The following KRT6A variants were observed in gnomAD, a reference collection of about 807,000 sequenced individuals.
The protein encoded by KRT6A is keratin, type II cytoskeletal 6A.
In KRT6A, 28 loss-of-function variants were observed where a neutral mutation model predicts 48.6. The ratio of observed to expected loss-of-function variants is 0.58; its 90% CI spans 0.43 to 0.79. KRT6A has a LOEUF of 0.79. Among genes scored for constraint, KRT6A ranks in the 30% least tolerant of loss-of-function variants. KRT6A has a pLI of 0.00. For synonymous variants in KRT6A, 301 were observed against 294.2 expected, an observed-to-expected ratio of 1.02 and a Z score of -0.24; for missense variants, 687 against 724.3, an observed-to-expected ratio of 0.95 and a Z score of 0.59.
chr12:52,490,449 T>A (rs1938239228), intron 5 of KRT6A, 120 bp downstream of exon 5: 1 of 1,484,904 alleles, frequency 6.7e-7, no homozygotes, highest in Non-Finnish European at 9.4e-7. Flanking sequence ...TAGTGCAGAG[T>A]GCATGTCCTG....
intron 1 of KRT6A, 75 bp from the exon 2 acceptor site, chr12:52,491,811 A>C: frequency 6.4e-7 from 1 of 1,572,888 alleles, no homozygotes; most frequent in Non-Finnish European, 8.7e-7. Context: ...GTTTCCTGGC[A>C]GGTCCGGGAG....
chr12:52,491,884 C>G, intron 1 of KRT6A, 148 bp from the exon 2 acceptor site: 2 of 1,045,040 alleles, frequency 1.9e-6, no homozygotes, highest in Non-Finnish European at 1.4e-6. Flanking sequence ...TCTGCTCCCC[C>G]AACCCCTTCT....
At chr12:52,491,014 C>T (rs1938252334) in intron 3 of KRT6A, 61 bp from the exon 4 acceptor site, 2 of 1,613,950 alleles carry the variant, frequency 1.2e-6, no homozygotes, top group African/African-American at 1.3e-5. Context: ...TACCCATCTT[C>T]TAGTCTCCAT....
intron 1 of KRT6A, among the ~76,000 whole-genome samples, chr12:52,492,284 T>G (rs1205317107): frequency 2.6e-5 from 4 of 152,232 alleles, no homozygotes; most frequent in Admixed American, 2.6e-4. Flanking sequence ...TTCTTTTGTT[T>G]CCAATATTTT....
rs201896183 is a variant in KRT6A, at chr12:52,492,717, G to A, written c.472C>T (p.Arg158Trp). 1.8e-5 allele frequency: 29 copies of A among 1,613,890 alleles called. No individual in the cohort carries two copies. The highest frequency in any genetic ancestry group is 2.0e-5 in the Non-Finnish European group (24 of 1,179,966). The change falls in exon 1 of 9, where the codon CGG becomes TGG. Residue 158 changes from arginine to tryptophan, a missense_variant. Transcript: ENST00000330722. The part of the protein sequence containing the change: ...LNLQIDPTIQ[R>W]VRAEEREQIK... ...TGTTCACGCTCCTCAGCCCGCACCC[G>A]CTGGATGGTGGGATCGATTTGCAGG...
intron 1 of KRT6A, among the ~76,000 whole-genome samples, chr12:52,492,056 A>C (rs1387243356): frequency 6.6e-6 from 1 of 152,180 alleles, no homozygotes; most frequent in Non-Finnish European, 1.5e-5. Context: ...TCATCTGATA[A>C]ATTTTACACA....
In KRT6A at chr12:52,487,734, T is replaced by A. The variant is rs759378508; in HGVS notation, c.1681A>T (p.Ser561Cys). ...YTTTSSSSRK[S>C]YKH is the part of the protein sequence containing the mutation. ...GCAGACGCACTTTAGTGCTTATAGC[T>A]CTTCCTGCTGGAGGAGGAGGTGGTG... Residue 561 changes from serine (S) to cysteine (C), a missense_variant, in exon 9 of 9, where the codon AGC (serine) becomes TGC (cysteine). Transcript: ENST00000330722. 4 of 1,614,034 alleles carry A rather than the reference T, an allele frequency of 2.5e-6. No individual in the cohort carries two copies. Among genetic ancestry groups the A allele is most frequent in the Admixed American group, 1.7e-5 (1 of 60,006 alleles).
At position 52,493,142 on chromosome 12, in the gene KRT6A, C is replaced by T. The variant is rs761780446; in HGVS notation, c.47G>A (p.Arg16Gln). ...TTIRSHSSSR[R>Q]GFSANSARLP... is the part of the protein sequence containing the mutation. ...CCTGGCTGAGTTGGCACTGAAACCC[C>T]GGCGGCTGCTGCTGTGGCTCCTGAT... Residue 16 changes from arginine to glutamine, a missense_variant, in exon 1 of 9, where the codon CGG becomes CAG. Physicochemically the swap from Arg to Gln is conservative, Grantham distance 43. Transcript: ENST00000330722. 84 of 1,614,058 alleles carry T rather than the reference C, an allele frequency of 5.2e-5. No homozygotes were observed. Among genetic ancestry groups the T allele is most frequent in the Admixed American group, 6.7e-5 (4 of 60,016 alleles).
Position 52,492,700 on chromosome 12 carries a change from C to T in KRT6A, c.489G>A (p.Glu163=), listed in dbSNP as rs1218357550. 5.6e-6 allele frequency: 9 copies of T among 1,613,944 alleles called. No individual in the cohort carries two copies. Among genetic ancestry groups the T allele is most frequent in the Middle Eastern group, 3.3e-4 (2 of 6,078 alleles). The change falls in exon 1 of 9, where the codon GAG becomes GAA. Residue 163 remains glutamate (E), a synonymous_variant. Transcript: ENST00000330722. ...DPTIQRVRAE[E]REQIKTLNNK... ...TGTTGAGGGTCTTGATCTGTTCACG[C>T]TCCTCAGCCCGCACCCGCTGGATGG...
rs1334643229 is a variant in KRT6A at position 52,487,738 on chromosome 12, C to T, written c.1677G>A (p.Arg559=). The T allele has an allele frequency of 1.9e-6, 3 of 1,614,022 alleles. No homozygotes were observed. The highest frequency in any genetic ancestry group is 2.7e-5 in the African/African-American group (2 of 74,926). The part of the protein sequence containing the change: ...IKYTTTSSSS[R]KSYKH The stretch of plus-strand genomic sequence containing the variant: ...ACGCACTTTAGTGCTTATAGCTCTT[C>T]CTGCTGGAGGAGGAGGTGGTGGTGT... Residue 559 remains arginine, a synonymous_variant, in exon 9 of 9, where the codon AGG becomes AGA. Coordinates refer to ENST00000330722, the MANE Select transcript of KRT6A (RefSeq NM_005554.4).
chr12:52,489,763 G>A, intron 6 of KRT6A, 180 bp downstream of exon 6: 1 of 1,016,480 alleles, frequency 9.8e-7, no homozygotes, highest in Non-Finnish European at 1.5e-6. Context: ...ATGTGTTTGT[G>A]TCATGCCATA....
rs1938180592 is a variant in KRT6A, at chr12:52,488,060, G to A, written c.1459+9C>T. On this transcript the variant is annotated intron_variant, in intron 8 of 8. Coordinates refer to ENST00000330722, the MANE Select transcript of KRT6A (RefSeq NM_005554.4). The stretch of plus-strand genomic sequence containing the variant: ...AGGGCAGGGGAGGAAGGCAAGCAAA[G>A]GTACTTACAGATGTTGACTTGTCCA... 1.2e-6 allele frequency: 2 copies of A among 1,614,002 alleles called. No individual in the cohort carries two copies. Among genetic ancestry groups the A allele is most frequent in the Non-Finnish European group, 1.7e-6 (2 of 1,179,968 alleles).
At position 52,487,663 on chromosome 12, in the gene KRT6A, G is replaced by T; in HGVS notation, c.*57C>A. ...AGAGGAAAGGCAACCTGAGGAGAGG[G>T]CTCTGCAGCCAGAGAGGGGCCTGAG... On this transcript the variant is annotated 3_prime_UTR_variant, in exon 9 of 9. Transcript: ENST00000330722. 2.5e-6 allele frequency: 4 copies of T among 1,610,370 alleles called. No individual in the cohort carries two copies. Among genetic ancestry groups the T allele is most frequent in the Non-Finnish European group, 2.5e-6 (3 of 1,177,024 alleles).
intron 6 of KRT6A, among the ~76,000 whole-genome samples, chr12:52,489,215 G>C (rs1381851679): frequency 6.6e-6 from 1 of 152,174 alleles, no homozygotes; most frequent in East Asian, 1.9e-4. Flanking sequence ...TGCAGCCCAG[G>C]ATGGCTTTAA....
intron 1 of KRT6A, among the ~76,000 whole-genome samples, chr12:52,492,051 T>G (rs1938276672): frequency 6.6e-6 from 1 of 152,218 alleles, no homozygotes; most frequent in Non-Finnish European, 1.5e-5. Context: ...AGTATTCATC[T>G]GATAAATTTT....
rs1158740430 is a variant in KRT6A, at chr12:52,487,628, G to A, written c.*92C>T. 29 of 1,522,870 alleles carry A rather than the reference G, an allele frequency of 1.9e-5. No homozygotes were observed. The highest frequency in any genetic ancestry group is 2.2e-5 in the Non-Finnish European group (24 of 1,103,542). The allele number at this position is 1,522,870 out of a possible 1,614,324, so 94.3% of individuals were successfully genotyped here. ...TCTACCTGGGACAGCAGGGGAGACT[G>A]GAGGCCAGGAGAGGAAAGGCAACCT... On this transcript the variant is annotated 3_prime_UTR_variant, in exon 9 of 9. Coordinates refer to ENST00000330722, the MANE Select transcript of KRT6A (RefSeq NM_005554.4).
intron 1 of KRT6A, among the ~76,000 whole-genome samples, chr12:52,492,231 A>C (rs907173148): frequency 6.8e-6 from 1 of 147,954 alleles, no homozygotes; most frequent in African/African-American, 2.7e-5. Context: ...ATAACGTATA[A>C]ACGTTTTAAG....
intron 2 of KRT6A, 58 bp downstream of exon 2, chr12:52,491,464 C>G (rs1475750121): frequency 3.8e-6 from 6 of 1,596,666 alleles, no homozygotes. Flanking sequence ...CCTGGTCACC[C>G]AATAGTCTTG....
rs755451843 is a variant in KRT6A at position 52,491,663 on chromosome 12, G to C, written c.614C>G (p.Thr205Ser). The change falls in exon 2 of 9, where the codon ACT becomes AGT. Residue 205 changes from threonine to serine, a missense_variant. Physicochemically the swap from Thr to Ser is moderately conservative, Grantham distance 58 (BLOSUM62 1). Coordinates refer to ENST00000330722, the MANE Select transcript of KRT6A (RefSeq NM_005554.4). ...WTLLQEQGTK[T>S]VRQNLEPLFE... ...CAACGGCTCCAGGTTCTGCCTCACA[G>C]TCTTGGTGCCCTGCTCCTGCAGCAG... 6.2e-7 allele frequency: 1 copy of C among 1,614,222 alleles called. No individual in the cohort carries two copies. The highest frequency in any genetic ancestry group is 8.5e-7 in the Non-Finnish European group (1 of 1,180,052).
Sources: allele counts gnomAD v4.1 joint callset (sites outside exome capture counted in the v4.1 genomes callset), GRCh38; gene constraint gnomAD v4.1.1; transcripts MANE v1.5; gene names NCBI Gene and HGNC (gene_info 2026-07-23, HGNC 2026-07-21).